The following COL24A1 variants were observed in gnomAD, a reference collection of about 807,000 sequenced individuals.
The protein encoded by COL24A1 is collagen type XXIV alpha 1 chain, also known as collagen alpha-1(XXIV) chain.
A neutral mutation model predicts 253.9 loss-of-function variants in COL24A1; 224 were observed. The ratio of observed to expected loss-of-function variants is 0.88; its 90% CI spans 0.79 to 0.99. The LOEUF (loss-of-function observed/expected upper bound fraction) is 0.99, where lower values mean the gene tolerates loss of function less well. Among genes scored for constraint, COL24A1 ranks in the 50% least tolerant of loss-of-function variants. COL24A1 has a pLI of 0.00. For missense variants in COL24A1, 2,131 were observed against 2,068.5 expected (o/e 1.03, Z -0.59); for synonymous variants, 685 against 673.7 (o/e 1.02, Z -0.26).
intron 43 of COL24A1, among the ~76,000 whole-genome samples, chr1:85,834,535 C>T (rs372497951): frequency 8.3e-4 from 127 of 152,222 alleles, no homozygotes; most frequent in African/African-American, 2.8e-3. Context: ...ATGTCTGATG[C>T]TAAGGAGTGA....
At chr1:86,028,601 C>A (rs1344656496) in intron 14 of COL24A1, among the ~76,000 whole-genome samples, 1 of 152,212 alleles carries the variant, frequency 6.6e-6, no homozygotes, top group African/African-American at 2.4e-5. Context: ...TCAATTAAAC[C>A]TCTTTCCTTT....
At chr1:85,982,637 A>G (rs1366830794) in intron 20 of COL24A1, among the ~76,000 whole-genome samples, 1 of 151,894 alleles carries the variant, frequency 6.6e-6, no homozygotes, top group Non-Finnish European at 1.5e-5. Flanking sequence ...AAATGATCAT[A>G]CAGATTATCC....
rs12070865 is a variant in COL24A1, at chr1:86,067,688, A to G, written c.1708-3929T>C. Among the ~76,000 whole-genome samples the G allele has an allele frequency of 4.9e-3, 746 of 152,288 alleles. 5 individuals are homozygous for G. Among genetic ancestry groups the G allele is most frequent in the African/African-American group, 0.017 (707 of 41,566 alleles). On this transcript the variant is annotated intron_variant, in intron 7 of 59. Coordinates refer to ENST00000370571, the MANE Select transcript of COL24A1 (RefSeq NM_152890.7). ...GTAATATACTGAAGTTATCTCCACT[A>G]TTATATAAAGACTTTCATTTATTCC...
At chr1:85,923,411 T>C (rs902628108) in intron 24 of COL24A1, among the ~76,000 whole-genome samples, 2 of 152,088 alleles carry the variant, frequency 1.3e-5, no homozygotes, top group Non-Finnish European at 2.9e-5. Flanking sequence ...ATTGACCACA[T>C]AGTTGGAAGT....
At chr1:85,950,861 G>C (rs1689832348) in intron 24 of COL24A1, among the ~76,000 whole-genome samples, 1 of 152,206 alleles carries the variant, frequency 6.6e-6, no homozygotes, top group East Asian at 1.9e-4. Context: ...AACTCAAGAA[G>C]TTGGGTGGGA....
rs780557004 is a variant in COL24A1, at chr1:85,907,205, T to C, written c.2767A>G (p.Lys923Glu). 8.7e-6 allele frequency: 14 copies of C among 1,611,278 alleles called. No individual in the cohort carries two copies. The East Asian group carries it at 2.7e-4, about 31-fold the overall frequency. ...CTTAGATTACTTACTCTTTGTCCTT[T>C]AGGACCTTGACTCCCAGGTGGTCCT... ...ARGPPGSQGP[K>E]GQRGSRGPDG... The change falls in exon 28 of 60, where the codon AAA becomes GAA. Residue 923 changes from lysine to glutamate, a missense_variant. Physicochemically the swap from Lys to Glu is moderately conservative, Grantham distance 56. Transcript: ENST00000370571.
intron 39 of COL24A1, 113 bp downstream of exon 39, chr1:85,847,552 A>G (rs558485431): frequency 7.2e-6 from 5 of 696,394 alleles, no homozygotes; most frequent in East Asian, 2.6e-5. Flanking sequence ...ATTATTTTCA[A>G]TGGAACTATT....
At chr1:86,062,955 G>T (rs1701199131) in intron 8 of COL24A1, among the ~76,000 whole-genome samples, 1 of 151,974 alleles carries the variant, frequency 6.6e-6, no homozygotes, top group Non-Finnish European at 1.5e-5. Context: ...TCCCTTTAGG[G>T]TTTCCTGAGT....
At chr1:85,820,533 G>A (rs1673515848) in intron 45 of COL24A1, among the ~76,000 whole-genome samples, 1 of 152,176 alleles carries the variant, frequency 6.6e-6, no homozygotes, top group African/African-American at 2.4e-5. Context: ...GCAACTGTGG[G>A]CCAAAAGTGA....
chr1:85,938,905 T>C (rs1688477548), intron 24 of COL24A1, among the ~76,000 whole-genome samples: 1 of 152,174 alleles, frequency 6.6e-6, no homozygotes, highest in Non-Finnish European at 1.5e-5. Context: ...GCGGGGGTGG[T>C]TGAAACTTAG....
At chr1:85,952,208 A>T (rs1690002171) in intron 24 of COL24A1, among the ~76,000 whole-genome samples, 1 of 152,210 alleles carries the variant, frequency 6.6e-6, no homozygotes, top group South Asian at 2.1e-4. Context: ...TCTGTAAAGC[A>T]AGACTTCAAA....
chr1:85,939,674 C>A (rs930653058), intron 24 of COL24A1, among the ~76,000 whole-genome samples: 17 of 152,028 alleles, frequency 1.1e-4, no homozygotes, highest in Non-Finnish European at 2.1e-4. Context: ...AAAGCTATAG[C>A]TTTTTATAAG....
chr1:86,109,404 C>T (rs55912038), intron 5 of COL24A1, among the ~76,000 whole-genome samples: 22,302 of 152,070 alleles, frequency 0.15, 1,769 homozygotes, highest in South Asian at 0.24. Flanking sequence ...CTTATGGCAT[C>T]GTAGCACCAT....
intron 24 of COL24A1, among the ~76,000 whole-genome samples, chr1:85,917,991 A>G: frequency 6.6e-6 from 1 of 152,218 alleles, no homozygotes. Context: ...TACAGGCATG[A>G]GATACCGTGC....
At chr1:85,792,055 C>T (rs1034502975) in intron 47 of COL24A1, among the ~76,000 whole-genome samples, 2 of 152,092 alleles carry the variant, frequency 1.3e-5, no homozygotes, top group African/African-American at 4.8e-5. Flanking sequence ...CATGAATAAA[C>T]ATTTTGTGAA....
chr1:86,025,734 C>T (rs1697968825), intron 14 of COL24A1, among the ~76,000 whole-genome samples: 1 of 152,114 alleles, frequency 6.6e-6, no homozygotes, highest in Admixed American at 6.5e-5. Flanking sequence ...CAATTCCTTC[C>T]ATTCTGCTCC....
intron 20 of COL24A1, among the ~76,000 whole-genome samples, chr1:85,972,992 T>C (rs190974546): frequency 3.3e-5 from 5 of 152,346 alleles, no homozygotes; most frequent in Non-Finnish European, 5.9e-5. Context: ...TATATTTATG[T>C]AAGCCTGTTT....
chr1:85,861,124 T>C (rs1469441612), intron 37 of COL24A1, among the ~76,000 whole-genome samples: 3 of 152,176 alleles, frequency 2.0e-5, no homozygotes, highest in Admixed American at 2.0e-4. Context: ...ATCAGCAATG[T>C]ATAAGGGTTC....
chr1:86,082,064 C>A (rs1466444073), intron 7 of COL24A1, among the ~76,000 whole-genome samples: 1 of 152,098 alleles, frequency 6.6e-6, no homozygotes, highest in African/African-American at 2.4e-5. Flanking sequence ...TGTATAATCA[C>A]CCCCACTCTC....
Sources: gnomAD v4.1 joint callset for allele counts (sites outside exome capture counted in the v4.1 genomes callset) on GRCh38, gnomAD v4.1.1 for gene constraint, MANE v1.5 for transcripts, NCBI Gene and HGNC (gene_info 2026-07-23, HGNC 2026-07-21) for gene names.